The following STK33 variants were observed in gnomAD, a reference collection of about 807,000 sequenced individuals.
The protein encoded by STK33 is serine/threonine kinase 33.
A neutral mutation model predicts 58.0 loss-of-function variants in STK33; 52 were observed. The observed-to-expected ratio is 0.90, with a 90% CI of 0.72 to 1.13. The LOEUF (loss-of-function observed/expected upper bound fraction) is 1.13, where lower values mean the gene tolerates loss of function less well. Among genes scored for constraint, STK33 ranks in the 50% most tolerant of loss-of-function variants. STK33 has a pLI of 0.00. For synonymous variants in STK33, 215 were observed against 200.1 expected, an observed-to-expected ratio of 1.07 and a Z score of -0.63; for missense variants, 630 against 604.2, an observed-to-expected ratio of 1.04 and a Z score of -0.45.
intron 11 of STK33, among the ~76,000 whole-genome samples, chr11:8,447,546 T>A (rs1472973202): frequency 6.6e-6 from 1 of 152,186 alleles, no homozygotes; most frequent in East Asian, 1.9e-4. Context: ...CATATGATTA[T>A]CTCAATAGAT....
At chr11:8,505,451 C>A (rs1025179588) in intron 1 of STK33, among the ~76,000 whole-genome samples, 2 of 152,180 alleles carry the variant, frequency 1.3e-5, no homozygotes, top group Non-Finnish European at 2.9e-5. Flanking sequence ...GTGTGCTATT[C>A]CCTCCACGTG....
chr11:8,546,330 C>T (rs1347841982), intron 1 of STK33, among the ~76,000 whole-genome samples: 2 of 152,094 alleles, frequency 1.3e-5, no homozygotes, highest in African/African-American at 4.8e-5. Flanking sequence ...GATAATTGCA[C>T]ATATTTATGG....
intron 10 of STK33, 117 bp downstream of exon 10, chr11:8,454,627 C>T: frequency 8.0e-7 from 1 of 1,243,444 alleles, no homozygotes; most frequent in Non-Finnish European, 1.1e-6. Context: ...TTAGCACAAG[C>T]CACTTATTTT....
intron 1 of STK33, among the ~76,000 whole-genome samples, chr11:8,510,033 C>G (rs572165029): frequency 6.6e-6 from 1 of 152,162 alleles, no homozygotes; most frequent in Non-Finnish European, 1.5e-5. Flanking sequence ...AGTGGGATTG[C>G]CAGATCAAAT....
intron 1 of STK33, among the ~76,000 whole-genome samples, chr11:8,534,562 C>CTGTGTGTGTGTGTG (rs1385373380): frequency 7.8e-6 from 1 of 128,994 alleles, no homozygotes; most frequent in African/African-American, 3.3e-5. Flanking sequence ...CTCTCTCTCT[C>CTGTGTGTGTGTGTG]TCTCTCTGTG....
At chr11:8,396,925 G>A (rs774965020) in intron 15 of STK33, among the ~76,000 whole-genome samples, 2 of 152,324 alleles carry the variant, frequency 1.3e-5, no homozygotes, top group East Asian at 1.9e-4. Flanking sequence ...AGGGGCGCCC[G>A]CCATTGCCGA....
intron 1 of STK33, among the ~76,000 whole-genome samples, chr11:8,566,065 T>C (rs990502984): frequency 6.6e-5 from 10 of 152,198 alleles, no homozygotes; most frequent in African/African-American, 2.4e-4. Context: ...TACATATAAA[T>C]AACATCATTG....
the STK33 span, among the ~76,000 whole-genome samples, chr11:8,344,318 G>A: frequency 6.6e-6 from 1 of 152,012 alleles, no homozygotes; most frequent in African/African-American, 2.4e-5. Flanking sequence ...GGAGTTTGAG[G>A]CTGCAGTGAG....
chr11:8,423,131 C>G (rs1942190164), intron 14 of STK33, among the ~76,000 whole-genome samples: 1 of 151,790 alleles, frequency 6.6e-6, no homozygotes, highest in South Asian at 2.1e-4. Context: ...CATGAGCCAC[C>G]ATGCCCAGCC....
chr11:8,426,295 G>C (rs1444746587), intron 14 of STK33, among the ~76,000 whole-genome samples: 4 of 152,222 alleles, frequency 2.6e-5, no homozygotes, highest in African/African-American at 9.6e-5. Flanking sequence ...TCTGCCGGTG[G>C]ATGGCTTGCA....
At chr11:8,389,794 C>T (rs765300327), downstream of STK33, among the ~76,000 whole-genome samples, 7 of 152,142 alleles carry the variant, frequency 4.6e-5, no homozygotes, top group Admixed American at 6.5e-5. Context: ...ACCCAACCCC[C>T]GCAGCACCAC....
chr11:8,363,153 G>A, the STK33 span, among the ~76,000 whole-genome samples: 1 of 152,102 alleles, frequency 6.6e-6, no homozygotes, highest in Non-Finnish European at 1.5e-5. Flanking sequence ...TAGCCAGAGA[G>A]AGGGAAGGGC....
At chr11:8,482,172 A>G (rs917045553) in intron 1 of STK33, among the ~76,000 whole-genome samples, 5 of 152,212 alleles carry the variant, frequency 3.3e-5, no homozygotes, top group African/African-American at 1.2e-4. Flanking sequence ...ACTCGTAGCC[A>G]GAACAAAAGC....
chr11:8,555,789 G>A (rs1404607739), intron 1 of STK33, among the ~76,000 whole-genome samples: 1 of 152,106 alleles, frequency 6.6e-6, no homozygotes, highest in Non-Finnish European at 1.5e-5. Flanking sequence ...CTGTGTGCAT[G>A]TATCAAAACA....
At chr11:8,452,566 TGAGCCCAGGA>T (rs1159915923) in intron 11 of STK33, among the ~76,000 whole-genome samples, 1 of 152,096 alleles carries the variant, frequency 6.6e-6, no homozygotes, top group Non-Finnish European at 1.5e-5. Flanking sequence ...AGGGATCACG[TGAGCCCAGGA>T]GTTTTGAGAC....
chr11:8,576,174 C>A (rs549785247), intron 1 of STK33, among the ~76,000 whole-genome samples: 9 of 152,102 alleles, frequency 5.9e-5, no homozygotes, highest in Admixed American at 2.0e-4. Flanking sequence ...GAGTTGAAAA[C>A]AAACAGCAGA....
intron 15 of STK33, among the ~76,000 whole-genome samples, chr11:8,404,485 C>T (rs1050659445): frequency 6.6e-6 from 1 of 152,148 alleles, no homozygotes; most frequent in African/African-American, 2.4e-5. Context: ...CATAAATTAG[C>T]TTTGCCTTTT....
intron 1 of STK33, among the ~76,000 whole-genome samples, chr11:8,539,641 G>A (rs932757233): frequency 8.5e-5 from 13 of 152,098 alleles, no homozygotes; most frequent in Admixed American, 2.6e-4. Flanking sequence ...CAAAAGATTC[G>A]AAGAATCTAC....
intron 15 of STK33, among the ~76,000 whole-genome samples, chr11:8,399,889 A>G (rs1850076034): frequency 6.6e-6 from 1 of 152,186 alleles, no homozygotes; most frequent in African/African-American, 2.4e-5. Context: ...TAAATTCCTC[A>G]ACACATACAC....
Sources: gnomAD v4.1 joint callset for allele counts (sites outside exome capture counted in the v4.1 genomes callset) on GRCh38, gnomAD v4.1.1 for gene constraint, MANE v1.5 for transcripts, NCBI Gene and HGNC (gene_info 2026-07-23, HGNC 2026-07-21) for gene names.